The following ST18 variants were observed in gnomAD, a reference collection of about 807,000 sequenced individuals.
ST18 encodes suppression of tumorigenicity 18 protein.
In ST18, 50 loss-of-function variants were observed where a neutral mutation model predicts 110.0. That is an observed-to-expected ratio of 0.45 (90% CI 0.36 to 0.58). The LOEUF is 0.58. ST18 is among the 20% of genes least tolerant of loss of function. ST18 has a pLI of 0.00. For missense variants in ST18, 1,306 were observed against 1,280.1 expected (o/e 1.02, Z -0.31); for synonymous variants, 461 against 452.4 (o/e 1.02, Z -0.24).
At chr8:52,135,002 T>C (rs1216294508) in intron 19 of ST18, among the ~76,000 whole-genome samples, 1 of 152,202 alleles carries the variant, frequency 6.6e-6, no homozygotes, top group Non-Finnish European at 1.5e-5. Flanking sequence ...TCCTATAGGA[T>C]CTCTCAATTT....
chr8:52,374,902 ATGTACCACATC>A lies in ST18; in HGVS notation c.-465+34415_-465+34425del, dbSNP rs1831670270. ...GGCTGCATAGTATTCCATCTTGTAT[ATGTACCACATC>A]TGTGGTACTTTGTTATGGCAGCCAC... On this transcript the variant is annotated intron_variant, in intron 2 of 25. Coordinates refer to ENST00000689386, the MANE Select transcript of ST18 (RefSeq NM_001352837.2). Among the ~76,000 whole-genome samples, 3 of 152,174 alleles carry A rather than the reference ATGTACCACATC, an allele frequency of 2.0e-5. No homozygotes were observed. The South Asian group carries it at 6.2e-4, about 31-fold the overall frequency.
At chr8:52,253,104 T>C (rs1046349712) in intron 2 of ST18, among the ~76,000 whole-genome samples, 7 of 152,006 alleles carry the variant, frequency 4.6e-5, no homozygotes, top group African/African-American at 1.4e-4. Flanking sequence ...AACTTTTTTT[T>C]CTGACAATTA....
rs566471582 is a variant in ST18, at chr8:52,172,365, C to T, written c.496G>A (p.Glu166Lys). 21 of 1,614,084 alleles carry T rather than the reference C, an allele frequency of 1.3e-5. No homozygotes were observed. The highest frequency in any genetic ancestry group is 1.2e-4 in the Admixed American group (7 of 60,014). ...TCATCAGAATGAATCAGAAAGCACT[C>T]GTCTGCTTCATCGCTCTCTGCTTTT... ...SLKAESDEAD[E>K]CFLIHSDDGR... Residue 166 changes from glutamate (E) to lysine (K), a missense_variant, in exon 10 of 26, where the codon GAG (glutamate) becomes AAG (lysine). By Grantham distance (56) the Glu-to-Lys change is moderately conservative (BLOSUM62 1). Transcript: ENST00000689386.
At chr8:52,341,838 C>T (rs971870714) in intron 2 of ST18, among the ~76,000 whole-genome samples, 4 of 148,956 alleles carry the variant, frequency 2.7e-5, no homozygotes, top group African/African-American at 1.0e-4. Context: ...AGGCTCCCAG[C>T]TCCCCACTGC....
chr8:52,281,732 T>C (rs1282923010), intron 2 of ST18, among the ~76,000 whole-genome samples: 1 of 152,224 alleles, frequency 6.6e-6, no homozygotes, highest in African/African-American at 2.4e-5. Context: ...AATGAAATAA[T>C]GGCATTCGCA....
chr8:52,254,241 TA>T (rs2094452365), intron 2 of ST18: 1 of 152,196 alleles, frequency 6.6e-6, no homozygotes, highest in African/African-American at 2.4e-5. Flanking sequence ...TCAAAAGTTT[TA>T]AACTTACTTT....
At chr8:52,331,288 CATATA>C (rs1266435547) in intron 2 of ST18, among the ~76,000 whole-genome samples, 3 of 151,674 alleles carry the variant, frequency 2.0e-5, no homozygotes, top group Non-Finnish European at 2.9e-5. Context: ...TATTTATTCA[CATATA>C]ATATGTTTAT....
intron 3 of ST18, among the ~76,000 whole-genome samples, chr8:52,226,362 A>C (rs1295565724): frequency 6.6e-6 from 1 of 152,182 alleles, no homozygotes; most frequent in Non-Finnish European, 1.5e-5. Flanking sequence ...ATGAGCAAAA[A>C]ACGCATCTCA....
chr8:52,178,614 C>CAAAAAA (rs869184166), intron 9 of ST18, among the ~76,000 whole-genome samples: 1 of 2,386 alleles, frequency 4.2e-4, no homozygotes, highest in African/African-American at 2.4e-3. Flanking sequence ...GAGACTCCAT[C>CAAAAAA]AAAAAAAAAA....
In ST18 at chr8:52,342,265, G is replaced by A. The variant is rs200268409; in HGVS notation, c.-465+67063C>T. 1.2e-4 allele frequency among the ~76,000 whole-genome samples: 18 copies of A among 151,770 alleles called. No individual in the cohort carries two copies. In the East Asian group the frequency reaches 3.5e-3, roughly 29 times the overall value. On this transcript the variant is annotated intron_variant, in intron 2 of 25. Coordinates refer to ENST00000689386, the MANE Select transcript of ST18 (RefSeq NM_001352837.2). ...AATACGTTGTATTCAGAGCCAAAAA[G>A]AAACAAAAAGAAATCATATTCATGG...
At chr8:52,113,522 A>C (rs764195153) in intron 25 of ST18, among the ~76,000 whole-genome samples, 184 bp from the exon 26 acceptor site, 3 of 152,134 alleles carry the variant, frequency 2.0e-5, no homozygotes, top group Non-Finnish European at 4.4e-5. Flanking sequence ...GTTCACTCTT[A>C]ATTCAGGAGA....
In ST18 at chr8:52,141,160, C is replaced by T. The variant is rs141232653; in HGVS notation, c.2168+1770G>A. The stretch of plus-strand genomic sequence containing the variant: ...TGCTATTTCAGCCAGTAATGTTTGC[C>T]TACAAAATCCTTTGAGAATGCAAAG... On this transcript the variant is annotated intron_variant, in intron 17 of 25. Transcript: ENST00000689386. Among the ~76,000 whole-genome samples, 154 of 152,284 alleles carry T rather than the reference C, an allele frequency of 1.0e-3. 2 individuals carry two copies. The East Asian group carries it at 0.028, about 28-fold the overall frequency.
intron 2 of ST18, among the ~76,000 whole-genome samples, chr8:52,322,334 C>T (rs1021437704): frequency 6.6e-5 from 10 of 152,116 alleles, no homozygotes; most frequent in African/African-American, 2.4e-4. Flanking sequence ...TCTACTTAAG[C>T]TAGTTCAGAT....
chr8:52,257,402 A>T (rs1185162430), intron 2 of ST18, among the ~76,000 whole-genome samples: 1 of 152,114 alleles, frequency 6.6e-6, no homozygotes, highest in South Asian at 2.1e-4. Context: ...TTCCCCCAGC[A>T]GTGTATAAGA....
intron 2 of ST18, among the ~76,000 whole-genome samples, chr8:52,309,539 A>G (rs1276049249): frequency 7.3e-5 from 11 of 151,234 alleles, no homozygotes; most frequent in African/African-American, 2.2e-4. Flanking sequence ...AAAAAAAAAA[A>G]AAAAAGAAAT....
intron 8 of ST18, among the ~76,000 whole-genome samples, chr8:52,203,252 A>G (rs148932711): frequency 4.7e-4 from 71 of 152,228 alleles, no homozygotes; most frequent in Admixed American, 1.0e-3. Context: ...TTAGTCAAGA[A>G]GGCAGCAAGG....
At chr8:52,407,280 T>A (rs1844851661) in intron 2 of ST18, 1 of 152,112 alleles carries the variant, frequency 6.6e-6, no homozygotes, top group Non-Finnish European at 1.5e-5. Context: ...AAACAAAAAA[T>A]ATTTTCTGTG....
intron 2 of ST18, among the ~76,000 whole-genome samples, chr8:52,342,794 C>T (rs531005521): frequency 1.3e-5 from 2 of 152,290 alleles, no homozygotes; most frequent in Non-Finnish European, 2.9e-5. Context: ...TTGACTGTTG[C>T]TCTCCTGAGA....
At chr8:52,170,705 T>C (rs1393670222) in intron 10 of ST18, among the ~76,000 whole-genome samples, 2 of 152,132 alleles carry the variant, frequency 1.3e-5, no homozygotes, top group Non-Finnish European at 2.9e-5. Flanking sequence ...AATATTCTGT[T>C]CCCACTCCAA....
Sources: allele counts gnomAD v4.1 joint callset (sites outside exome capture counted in the v4.1 genomes callset), GRCh38; gene constraint gnomAD v4.1.1; transcripts MANE v1.5; gene names NCBI Gene and HGNC (gene_info 2026-07-23, HGNC 2026-07-21).